The following PI16 variants were observed in gnomAD, a reference collection of about 807,000 sequenced individuals.
PI16 encodes the protein peptidase inhibitor 16.
A neutral mutation model predicts 38.0 loss-of-function variants in PI16; 35 were observed. The ratio of observed to expected loss-of-function variants is 0.92; its 90% CI spans 0.70 to 1.22. PI16 has a LOEUF of 1.22. PI16 is among the 50% of genes most tolerant of loss of function. The pLI is 0.00. For missense variants in PI16, 572 were observed against 593.8 expected, an observed-to-expected ratio of 0.96 and a Z score of 0.38; for synonymous variants, 275 against 252.9, an observed-to-expected ratio of 1.09 and a Z score of -0.83.
At position 36,962,439 on chromosome 6, in the gene PI16, C is replaced by G. The variant is rs1763394110; in HGVS notation, c.592+465C>G. Among the ~76,000 whole-genome samples, 1 of 152,188 alleles carries G rather than the reference C, an allele frequency of 6.6e-6. No individual in the cohort carries two copies. Among genetic ancestry groups the G allele is most frequent in the South Asian group, 2.1e-4 (1 of 4,834 alleles). On this transcript the variant is annotated intron_variant, in intron 4 of 6. Transcript: ENST00000373674. The surrounding 1 kb of genome is among the most constrained non-coding windows in gnomAD (Gnocchi z 4.1). Reference sequence around the variant, plus strand: ...GAGGTGGCTAGAGGAGCAACTGTGTCAATCACCAGAAGTAACGTTTCTTTT... The same window carrying G: ...GAGGTGGCTAGAGGAGCAACTGTGTGAATCACCAGAAGTAACGTTTCTTTT...
At chr6:36,957,858 G>C (rs1457460880) in intron 1 of PI16, among the ~76,000 whole-genome samples, 2 of 152,232 alleles carry the variant, frequency 1.3e-5, no homozygotes, top group East Asian at 3.8e-4. Flanking sequence ...GCCCTACCGT[G>C]ATGGCACTTA....
chr6:36,955,726 C>G (rs773964264), intron 1 of PI16, among the ~76,000 whole-genome samples: 8 of 152,156 alleles, frequency 5.3e-5, no homozygotes, highest in African/African-American at 1.9e-4. Context: ...TGGTGAAACA[C>G]GCAGATGTAG....
upstream of PI16, among the ~76,000 whole-genome samples, chr6:36,951,720 G>A (rs1387852427): frequency 6.6e-6 from 1 of 152,072 alleles, no homozygotes; most frequent in African/African-American, 2.4e-5. Flanking sequence ...CCAACATGGC[G>A]AAATCTTGTC....
rs537026789 is a variant in PI16, at chr6:36,962,356, C to G, written c.592+382C>G. Among the ~76,000 whole-genome samples, 1 of 152,314 alleles carries G rather than the reference C, an allele frequency of 6.6e-6. No individual in the cohort carries two copies. Among genetic ancestry groups the G allele is most frequent in the Non-Finnish European group, 1.5e-5 (1 of 68,030 alleles). ...CTGGGGGCGTGTGAGGGACCGCGAT[C>G]CCGCTGGAGAAGTCCCCTGAAAAAG... On this transcript the variant is annotated intron_variant, in intron 4 of 6. Coordinates refer to ENST00000373674, the MANE Select transcript of PI16 (RefSeq NM_153370.3). This position sits in a 1 kb window ranked among gnomAD's most constrained non-coding sequence, Gnocchi z 4.1.
chr6:36,959,548 G>A (rs1287004911), intron 2 of PI16, among the ~76,000 whole-genome samples, 182 bp downstream of exon 2: 2 of 152,226 alleles, frequency 1.3e-5, no homozygotes, highest in African/African-American at 2.4e-5. Flanking sequence ...CAGCTAATAC[G>A]CTGTCTAAGA....
intron 5 of PI16, 98 bp from the exon 6 acceptor site, chr6:36,963,725 C>T: frequency 6.5e-7 from 1 of 1,531,604 alleles, no homozygotes; most frequent in Non-Finnish European, 8.8e-7. Context: ...GTAGGAGCTT[C>T]CTCCCTGGCT....
At chr6:36,964,028 C>A (rs1178919823) in intron 6 of PI16, 66 bp downstream of exon 6, 1 of 1,514,672 alleles carries the variant, frequency 6.6e-7, no homozygotes, top group Non-Finnish European at 8.8e-7. Flanking sequence ...AAGTGAGAGA[C>A]CACAGCTTCC....
intron 2 of PI16, among the ~76,000 whole-genome samples, chr6:36,960,357 G>GTGTGTGTGTT (rs1763327439): frequency 6.7e-6 from 1 of 150,232 alleles, no homozygotes; most frequent in Non-Finnish European, 1.5e-5. Context: ...GTGTGTGTGT[G>GTGTGTGTGTT]TGTGTGTAGG....
chr6:36,959,160 C>G lies in PI16; in HGVS notation c.187C>G (p.Leu63Val), dbSNP rs142992403. 3.2e-5 allele frequency: 52 copies of G among 1,609,196 alleles called. No homozygotes were observed. The South Asian group carries it at 3.9e-4, about 12-fold the overall frequency. Reference protein sequence around the residue: ...DMLHMRWDEELAAFAKAYARQ... With the variant: ...DMLHMRWDEEVAAFAKAYARQ... ...TGCCCTGCAGAGATGGGACGAGGAGCTGGCCGCCTTCGCCAAGGCCTACGC... is the reference window on the plus strand; with the variant it reads ...TGCCCTGCAGAGATGGGACGAGGAGGTGGCCGCCTTCGCCAAGGCCTACGC... Residue 63 changes from leucine (L) to valine (V), a missense_variant, in exon 2 of 7, where the codon CTG (leucine) becomes GTG (valine). By Grantham distance (32) the Leu-to-Val change is conservative (BLOSUM62 1). Transcript: ENST00000373674.
chr6:36,953,283 C>T (rs1365690677), upstream of PI16, among the ~76,000 whole-genome samples: 2 of 151,126 alleles, frequency 1.3e-5, no homozygotes, highest in Non-Finnish European at 2.9e-5. Flanking sequence ...TTGCAGTGAG[C>T]CAAGATCATG....
upstream of PI16, chr6:36,954,491 CT>C (rs1190386818): frequency 3.8e-5 from 15 of 396,856 alleles, no homozygotes; most frequent in Non-Finnish European, 6.8e-5. Flanking sequence ...CCTGAAGGAT[CT>C]GTCCACAACT....
chr6:36,948,969 A>G (rs1763058813), intron 1 of PI16, among the ~76,000 whole-genome samples: 1 of 151,304 alleles, frequency 6.6e-6, no homozygotes, highest in Non-Finnish European at 1.5e-5. Context: ...TAATTTTTGG[A>G]TTTTTAGTAG....
chr6:36,955,958 G>A (rs142830141), intron 1 of PI16, among the ~76,000 whole-genome samples: 325 of 152,330 alleles, frequency 2.1e-3, no homozygotes, highest in African/African-American at 7.1e-3. Context: ...GCTGGGCAGT[G>A]TTCAGGGACC....
rs1372156291 is a variant in PI16, at chr6:36,963,211, C to G, written c.869C>G (p.Ser290Cys). ...APPCVTTEVP[S>C]ILAAHSLPSL... ...CCTTGCGTAACAACTGAGGTCCCTT[C>G]CATTTTGGCAGCTCACAGCCTGCCC... Residue 290 changes from serine (S) to cysteine (C), a missense_variant, in exon 5 of 7, where the codon TCC (serine) becomes TGC (cysteine). By Grantham distance (112) the Ser-to-Cys change is moderately radical (BLOSUM62 -1). Transcript: ENST00000373674. 1 of 1,614,118 alleles carries G rather than the reference C, an allele frequency of 6.2e-7. No homozygotes were observed. Among genetic ancestry groups the G allele is most frequent in the African/African-American group, 1.3e-5 (1 of 74,932 alleles).
chr6:36,961,551 A>G lies in PI16; in HGVS notation c.494A>G (p.Tyr165Cys). 3 of 1,614,092 alleles carry G rather than the reference A, an allele frequency of 1.9e-6. No individual in the cohort carries two copies. Among genetic ancestry groups the G allele is most frequent in the South Asian group, 2.2e-5 (2 of 91,074 alleles). Residue 165 changes from tyrosine to cysteine, a missense_variant, in exon 3 of 7, where the codon TAT becomes TGT. Tyr to Cys is a radical substitution (Grantham distance 194, BLOSUM62 -2). Coordinates refer to ENST00000373674, the MANE Select transcript of PI16 (RefSeq NM_153370.3). ...AACATCGAATTACTGGTGTGCAACT[A>G]TGAGCCTCCGTGAGTGCCGGGGGGA... ...ETNIELLVCN[Y>C]EPPGNVKGKR...
chr6:36,954,963 A>T, intron 1 of PI16, 32 bp downstream of exon 1: 1 of 1,604,604 alleles, frequency 6.2e-7, no homozygotes, highest in Non-Finnish European at 8.5e-7. Flanking sequence ...GCTGGCTGGG[A>T]TGGAAGGGGT....
Position 36,961,994 on chromosome 6 carries a change from G to A in PI16, c.592+20G>A. 1 of 1,591,098 alleles carries A rather than the reference G, an allele frequency of 6.3e-7. No homozygotes were observed. Among genetic ancestry groups the A allele is most frequent in the African/African-American group, 1.3e-5 (1 of 74,496 alleles). On this transcript the variant is annotated intron_variant, in intron 4 of 6. Transcript: ENST00000373674. Reference sequence around the variant, plus strand: ...TCTGTGGTGAGTCCACGGGTGGATGGGTAGGGGCAGGGGGTGTGGAAATGA... The same window carrying A: ...TCTGTGGTGAGTCCACGGGTGGATGAGTAGGGGCAGGGGGTGTGGAAATGA...
intron 5 of PI16, 37 bp from the exon 6 acceptor site, chr6:36,963,786 G>T: frequency 6.5e-7 from 1 of 1,550,306 alleles, no homozygotes. Flanking sequence ...AGGCACAGCT[G>T]TCTCTAGGCT....
At chr6:36,959,867 CAAAAA>C (rs3997728) in intron 2 of PI16, among the ~76,000 whole-genome samples, 3 of 118,416 alleles carry the variant, frequency 2.5e-5, no homozygotes, top group Admixed American at 8.2e-5. Context: ...GGCCCTGTCT[CAAAAA>C]AAAAAAAAAA....
Sources: gnomAD v4.1 joint callset for allele counts (sites outside exome capture counted in the v4.1 genomes callset) on GRCh38, gnomAD v4.1.1 for gene constraint, Gnocchi (gnomAD v3.1) non-coding constraint, MANE v1.5 for transcripts, NCBI Gene and HGNC (gene_info 2026-07-23, HGNC 2026-07-21) for gene names.